The following ITIH2 variants were observed in gnomAD, a reference collection of about 807,000 sequenced individuals.
The protein encoded by ITIH2 is inter-alpha-trypsin inhibitor heavy chain 2.
In ITIH2, 103 loss-of-function variants were observed where a neutral mutation model predicts 104.4. The ratio of observed to expected loss-of-function variants is 0.99; its 90% CI spans 0.84 to 1.16. The LOEUF is 1.16. Ranked by LOEUF, ITIH2 falls within the 50% of genes most tolerant of loss-of-function variation. The probability of loss-of-function intolerance (pLI) is 0.00; values close to 1 mark genes in which losing one functional copy is unlikely to be tolerated. For synonymous variants in ITIH2, 436 were observed against 435.4 expected, an observed-to-expected ratio of 1.00 and a Z score of -0.02; for missense variants, 1,108 against 1,162.4, an observed-to-expected ratio of 0.95 and a Z score of 0.68.
chr10:7,736,114 C>A (rs1300451210), intron 15 of ITIH2, among the ~76,000 whole-genome samples: 1 of 152,038 alleles, frequency 6.6e-6, no homozygotes, highest in East Asian at 1.9e-4. Context: ...GCCTATAATC[C>A]CAGCACTTTG....
In ITIH2 at chr10:7,709,118, A is replaced by G; in HGVS notation, c.289A>G (p.Asn97Asp). ...CATGATCCAGAGCAAAGTGGTGAACAATTCCCCGCAGCCTCAGAATGTCGT... is the reference window on the plus strand; with the variant it reads ...CATGATCCAGAGCAAAGTGGTGAACGATTCCCCGCAGCCTCAGAATGTCGT... ...TTMIQSKVVN[N>D]SPQPQNVVFD... Residue 97 changes from asparagine to aspartate, a missense_variant, in exon 4 of 21, where the codon AAT becomes GAT. Coordinates refer to ENST00000358415, the MANE Select transcript of ITIH2 (RefSeq NM_002216.3). 2 of 1,614,112 alleles carry G rather than the reference A, an allele frequency of 1.2e-6. No homozygotes were observed. The highest frequency in any genetic ancestry group is 1.1e-5 in the South Asian group (1 of 91,066).
chr10:7,730,222 TAACTC>T, intron 12 of ITIH2, 89 bp downstream of exon 12: 1 of 980,596 alleles, frequency 1.0e-6, no homozygotes, highest in Non-Finnish European at 1.5e-6. Context: ...TAACTGAACT[TAACTC>T]AAAATGGTCA....
intron 4 of ITIH2, among the ~76,000 whole-genome samples, chr10:7,711,613 G>C (rs1204968961): frequency 6.6e-6 from 1 of 152,164 alleles, no homozygotes; most frequent in African/African-American, 2.4e-5. Flanking sequence ...TTGACCAGCA[G>C]TGTGACCTTG....
At chr10:7,709,245 A>G in intron 4 of ITIH2, 54 bp downstream of exon 4, 2 of 1,502,756 alleles carry the variant, frequency 1.3e-6, no homozygotes, top group South Asian at 1.1e-5. Flanking sequence ...TCACAGAATC[A>G]AAACCCCTCA....
At position 7,743,332 on chromosome 10, in the gene ITIH2, T is replaced by C. The variant is rs576542074; in HGVS notation, c.2209+73T>C. ...CTTTCCTGTCACTGCCTGGGATTTCTTTCTTTCTCAGCTTAATAGAAGTTC... is the reference window on the plus strand; with the variant it reads ...CTTTCCTGTCACTGCCTGGGATTTCCTTCTTTCTCAGCTTAATAGAAGTTC... On this transcript the variant is annotated intron_variant, in intron 17 of 20. Transcript: ENST00000358415. 8 of 783,026 alleles carry C rather than the reference T, an allele frequency of 1.0e-5. No individual in the cohort carries two copies. In the African/African-American group the frequency reaches 1.4e-4, roughly 14 times the overall value. The allele number at this position is 783,026 out of a possible 1,614,324, so 48.5% of individuals were successfully genotyped here. A position where few individuals can be genotyped will look rare whatever the true frequency, so the allele number is the denominator to read the frequency against.
chr10:7,747,297 T>G (rs1466463423), intron 20 of ITIH2, among the ~76,000 whole-genome samples: 1 of 151,856 alleles, frequency 6.6e-6, no homozygotes, highest in Admixed American at 6.6e-5. Flanking sequence ...CTTTTTAGAG[T>G]TTTTACAAAG....
chr10:7,716,131 C>T (rs1240032026), intron 5 of ITIH2, among the ~76,000 whole-genome samples: 1 of 152,082 alleles, frequency 6.6e-6, no homozygotes, highest in Non-Finnish European at 1.5e-5. Flanking sequence ...ATTACAGGCA[C>T]TCACCACCAC....
Position 7,727,549 on chromosome 10 carries a change from C to T in ITIH2, c.1154-154C>T, listed in dbSNP as rs531816916. 4.6e-5 allele frequency among the ~76,000 whole-genome samples: 7 copies of T among 152,310 alleles called. No individual in the cohort carries two copies. In the South Asian group the frequency reaches 6.2e-4, roughly 14 times the overall value. On this transcript the variant is annotated intron_variant, in intron 10 of 20. Transcript: ENST00000358415. ...TGCACTGGGGGACCACCAGCTTGAG[C>T]ACAGTTTGTGTCACTCAGAAAGCAA...
intron 20 of ITIH2, 45 bp downstream of exon 20, chr10:7,746,749 G>C: frequency 8.3e-7 from 1 of 1,205,690 alleles, no homozygotes; most frequent in South Asian, 1.2e-5. Context: ...CCTTGTGTTA[G>C]AATTAGACCC....
At chr10:7,737,696 TATA>T (rs1212529814) in intron 15 of ITIH2, among the ~76,000 whole-genome samples, 5 of 46,108 alleles carry the variant, frequency 1.1e-4, no homozygotes, top group African/African-American at 1.3e-4. Context: ...TTATATTCTA[TATA>T]ATATTCTATA....
chr10:7,710,718 G>A (rs1443856190), intron 4 of ITIH2, among the ~76,000 whole-genome samples: 1 of 152,054 alleles, frequency 6.6e-6, no homozygotes, highest in Non-Finnish European at 1.5e-5. Flanking sequence ...ACTTTAATTG[G>A]TATCCTTTGA....
At position 7,721,762 on chromosome 10, in the gene ITIH2, G is replaced by A; in HGVS notation, c.852G>A (p.Lys284=). 6.2e-7 allele frequency: 1 copy of A among 1,614,000 alleles called. No individual in the cohort carries two copies. The highest frequency in any genetic ancestry group is 1.1e-5 in the South Asian group (1 of 91,060). ...TGTATGACGTGAAAAGAGAAGAGAA[G>A]GCTGGTGAACTGGAGGTGAGTGCAC... ...VVLYDVKREE[K]AGELEVFNGY... is the part of the protein sequence containing the mutation. The change falls in exon 8 of 21, where the codon AAG becomes AAA. Residue 284 remains lysine (K), a synonymous_variant. Coordinates refer to ENST00000358415, the MANE Select transcript of ITIH2 (RefSeq NM_002216.3).
intron 5 of ITIH2, among the ~76,000 whole-genome samples, chr10:7,714,380 G>A (rs1184093611): frequency 6.6e-6 from 1 of 151,808 alleles, no homozygotes; most frequent in Admixed American, 6.6e-5. Flanking sequence ...CACCGTGTTG[G>A]CCAGGATGGT....
Position 7,744,829 on chromosome 10 carries a change from T to C in ITIH2, c.2447T>C (p.Ile816Thr), listed in dbSNP as rs369353636. 1 of 1,614,006 alleles carries C rather than the reference T, an allele frequency of 6.2e-7. No individual in the cohort carries two copies. Among genetic ancestry groups the C allele is most frequent in the South Asian group, 1.1e-5 (1 of 91,076 alleles). The part of the protein sequence containing the change: ...ISVKKEKVVT[I>T]TLDKEMSFSV... The stretch of plus-strand genomic sequence containing the variant: ...GTGAAGAAAGAAAAAGTGGTAACTA[T>C]CACCCTGGATAAAGAGATGTCCTTT... Residue 816 changes from isoleucine to threonine, a missense_variant, in exon 19 of 21, where the codon ATC becomes ACC. Ile to Thr is a moderately conservative substitution (Grantham distance 89). Transcript: ENST00000358415.
In ITIH2 at chr10:7,735,015, G is replaced by A. The variant is rs149518011; in HGVS notation, c.1881G>A (p.Ser627=). The change falls in exon 15 of 21, where the codon TCG becomes TCA. Residue 627 remains serine, a synonymous_variant. Transcript: ENST00000358415. ...LDHHIVTPLT[S]LVIENEAGDE... ...ACCACATTGTGACTCCGCTGACCTC[G>A]CTGGTGATCGAGAACGAGGCTGGGG... The A allele has an allele frequency of 1.0e-3, 1,645 of 1,613,702 alleles. 11 individuals are homozygous for A. The African/African-American group carries it at 0.018, about 18-fold the overall frequency.
intron 5 of ITIH2, among the ~76,000 whole-genome samples, chr10:7,715,072 A>G (rs1186158419): frequency 6.6e-6 from 1 of 152,210 alleles, no homozygotes; most frequent in African/African-American, 2.4e-5. Flanking sequence ...AAGAAGCTCC[A>G]AGCAGAGGAA....
In ITIH2 at chr10:7,727,094, A is replaced by AT; in HGVS notation, c.1131dup (p.Glu378Ter). On this transcript the variant is annotated frameshift_variant, in exon 10 of 21. Coordinates refer to ENST00000358415, the MANE Select transcript of ITIH2 (RefSeq NM_002216.3). LOFTEE classifies it high-confidence loss of function. Reference sequence around the variant, plus strand: ...ACAGGTTGCAGATGCCAAGAGGTATATTGAGAAAATCCAGCCCAGTGGAGG... The same window carrying AT: ...ACAGGTTGCAGATGCCAAGAGGTATATTTGAGAAAATCCAGCCCAGTGGAGG... 1 of 1,614,122 alleles carries AT rather than the reference A, an allele frequency of 6.2e-7. No homozygotes were observed.
At chr10:7,737,523 C>T (rs1835068198) in intron 15 of ITIH2, among the ~76,000 whole-genome samples, 1 of 126,656 alleles carries the variant, frequency 7.9e-6, no homozygotes. Flanking sequence ...ATATTATATA[C>T]TATGTATTCT....
intron 5 of ITIH2, 21 bp from the exon 6 acceptor site, chr10:7,717,605 G>T (rs765207747): frequency 6.2e-7 from 1 of 1,607,004 alleles, no homozygotes. Context: ...GTTGACTTTT[G>T]TTGGGGGCTT....
Sources: allele counts gnomAD v4.1 joint callset (sites outside exome capture counted in the v4.1 genomes callset), GRCh38; gene constraint gnomAD v4.1.1; transcripts MANE v1.5; gene names NCBI Gene and HGNC (gene_info 2026-07-23, HGNC 2026-07-21).